Variants in BRWD3 observed in about 807,000 individuals in gnomAD.
The protein encoded by BRWD3 is bromodomain and WD repeat-containing protein 3.
In BRWD3, 10 loss-of-function variants were observed where a neutral mutation model predicts 149.7. That is an observed-to-expected ratio of 0.07 (90% CI 0.04 to 0.11). The LOEUF (loss-of-function observed/expected upper bound fraction) is 0.11. Among genes scored for constraint, BRWD3 ranks in the 10% least tolerant of loss-of-function variants. BRWD3 has a pLI of 1.00. For synonymous variants in BRWD3, 504 were observed against 456.7 expected, an observed-to-expected ratio of 1.10 and a Z score of -1.32; for missense variants, 940 against 1,373.2, an observed-to-expected ratio of 0.68 and a Z score of 4.99.
Position 80,677,307 on chromosome X carries a change from T to A in BRWD3, c.4711A>T (p.Ile1571Phe). Reference sequence around the variant, plus strand: ...GATGCACTAAGTAGTTTTCTCTTGATTCCTGTCCGGGGCTCTCTGCCATCA... The same window carrying A: ...GATGCACTAAGTAGTTTTCTCTTGAATCCTGTCCGGGGCTCTCTGCCATCA... The part of the protein sequence containing the change: ...NGDGREPRTG[I>F]KRKLLSASEE... Residue 1571 changes from isoleucine (I) to phenylalanine (F), a missense_variant, in exon 41 of 41, where the codon ATC becomes TTC. Around this residue, in one of 6 missense-constraint regions of BRWD3, gnomAD observed 349 missense variants for 419.6 expected, o/e 0.83. Coordinates refer to ENST00000373275, the MANE Select transcript of BRWD3 (RefSeq NM_153252.5). 1 of 1,209,098 alleles carries A rather than the reference T, an allele frequency of 8.3e-7. No individual in the cohort carries two copies. Among genetic ancestry groups the A allele is most frequent in the Non-Finnish European group, 1.1e-6 (1 of 894,521 alleles).
chrX:80,793,630 T>C lies in BRWD3; in HGVS notation c.323A>G (p.Asp108Gly). ...AATTCTGAAAATCTCACCTTTGGCA[T>C]CCCGTAGCAGAGACTGCCGACCAAC... ...LGVGRQSLLRDAKDCKSTLWN... is the reference protein window; with the variant it reads ...LGVGRQSLLRGAKDCKSTLWN... Residue 108 changes from aspartate to glycine, a missense_variant, in exon 5 of 41, where the codon GAT (aspartate) becomes GGT (glycine). By Grantham distance (94) the Asp-to-Gly change is moderately conservative. Coordinates refer to ENST00000373275, the MANE Select transcript of BRWD3 (RefSeq NM_153252.5). 1 of 1,210,375 alleles carries C rather than the reference T, an allele frequency of 8.3e-7. No homozygotes were observed. The highest frequency in any genetic ancestry group is 1.1e-6 in the Non-Finnish European group (1 of 894,743).
intron 4 of BRWD3, among the ~76,000 whole-genome samples, chrX:80,806,796 T>C (rs1354606757): frequency 8.9e-6 from 1 of 112,214 alleles, no homozygotes. Flanking sequence ...TTAAGAAAAA[T>C]ATGAAGCATA....
At chrX:80,723,215 G>A (rs1439157712) in intron 16 of BRWD3, among the ~76,000 whole-genome samples, 1 of 111,120 alleles carries the variant, frequency 9.0e-6, no homozygotes. Context: ...ACTCAAACCT[G>A]ATATTAATGC....
rs1239592366 is a variant in BRWD3, at chrX:80,808,558, C to T, written c.161G>A (p.Arg54Gln). The T allele has an allele frequency of 8.3e-7, 1 of 1,208,480 alleles. No individual in the cohort carries two copies. The highest frequency in any genetic ancestry group is 1.8e-5 in the South Asian group (1 of 56,787). The change falls in exon 4 of 41, where the codon CGA becomes CAA. Residue 54 changes from arginine (R) to glutamine (Q), a missense_variant. Arg to Gln is a conservative substitution (Grantham distance 43). Around this residue, in one of 6 missense-constraint regions of BRWD3, gnomAD observed 105 missense variants for 127.7 expected, o/e 0.82. Transcript: ENST00000373275. ...ACTCACCAGATCCTCGAAGCTTCTT[C>T]GGTGCTCTTTCCCCTCCCAATCTAA... ...RRLDWEGKEH[R>Q]RSFEDLVAAN... is the part of the protein sequence containing the mutation.
In BRWD3 at chrX:80,691,880, A is replaced by G. The variant is rs1481497978; in HGVS notation, c.3424T>C (p.Ser1142Pro). ...ACCCGTTCACATTCTTCGTCTCTGGAATGAGCCCCCCACTCTCCTTCCTGG... is the reference window on the plus strand; with the variant it reads ...ACCCGTTCACATTCTTCGTCTCTGGGATGAGCCCCCCACTCTCCTTCCTGG... ...KPQEGEWGAH[S>P]RDEECERVIQ... The change falls in exon 30 of 41, where the codon TCC becomes CCC. Residue 1142 changes from serine (S) to proline (P), a missense_variant. Ser to Pro is a moderately conservative substitution (Grantham distance 74). This residue lies in a region of BRWD3 where 158 missense variants were observed against 284.0 expected (regional missense o/e 0.56). Transcript: ENST00000373275. The G allele has an allele frequency of 8.3e-7, 1 of 1,208,140 alleles. No homozygotes were observed. Among genetic ancestry groups the G allele is most frequent in the Admixed American group, 2.2e-5 (1 of 45,417 alleles).
intron 6 of BRWD3, among the ~76,000 whole-genome samples, chrX:80,748,551 C>T (rs1019222644): frequency 8.9e-6 from 1 of 111,840 alleles, no homozygotes; most frequent in Non-Finnish European, 1.9e-5. Context: ...TTTTTATTAC[C>T]GACTCAATCT....
At chrX:80,740,123 C>T (rs1186746010) in intron 8 of BRWD3, among the ~76,000 whole-genome samples, 1 of 111,399 alleles carries the variant, frequency 9.0e-6, no homozygotes, top group Admixed American at 9.5e-5. Context: ...ATTCAACACA[C>T]ACTGAACCCA....
At position 80,675,740 on chromosome X, in the gene BRWD3, A is replaced by T. The variant is rs1015762168; in HGVS notation, c.*869T>A. The T allele has an allele frequency of 1.3e-4, 14 of 111,787 alleles. No homozygotes were observed. Among genetic ancestry groups the T allele is most frequent in the African/African-American group, 4.5e-4 (14 of 30,784 alleles). 9.2% of individuals were successfully genotyped at this position (111,787 alleles called of 1,213,427 possible). On this transcript the variant is annotated 3_prime_UTR_variant, in exon 41 of 41. Coordinates refer to ENST00000373275, the MANE Select transcript of BRWD3 (RefSeq NM_153252.5). ...GTTCTTTGTGGATGAGGATTTTTCA[A>T]ATGTTTAAGTTATTTAAGCTACACA...
intron 24 of BRWD3, among the ~76,000 whole-genome samples, chrX:80,703,126 T>G (rs1019250896): frequency 3.3e-4 from 36 of 109,617 alleles, no homozygotes; most frequent in Non-Finnish European, 4.2e-4. Flanking sequence ...ACGTGTTTTG[T>G]TTTTTTTTAA....
chrX:80,764,840 C>A (rs781669433), intron 6 of BRWD3, among the ~76,000 whole-genome samples: 1 of 111,166 alleles, frequency 9.0e-6, no homozygotes, highest in East Asian at 2.8e-4. Flanking sequence ...TAAAAATAAT[C>A]TAATTAAAAA....
chrX:80,706,511 T>C (rs940628116), intron 22 of BRWD3, among the ~76,000 whole-genome samples: 4 of 111,986 alleles, frequency 3.6e-5, no homozygotes, highest in African/African-American at 1.3e-4. Flanking sequence ...ACACAAACAT[T>C]AGCCTAAGCC....
chrX:80,741,573 T>G (rs1457578332), intron 8 of BRWD3, among the ~76,000 whole-genome samples: 1 of 111,701 alleles, frequency 9.0e-6, no homozygotes, highest in African/African-American at 3.3e-5. Context: ...CAGCACCTGT[T>G]GTTTCCTGAC....
intron 8 of BRWD3, among the ~76,000 whole-genome samples, chrX:80,741,805 T>G (rs1422991051): frequency 1.8e-5 from 2 of 112,139 alleles, no homozygotes; most frequent in Non-Finnish European, 3.8e-5. Context: ...AGATTCTGGA[T>G]ATTAGCCCTT....
intron 6 of BRWD3, chrX:80,746,706 G>T: frequency 4.8e-6 from 1 of 208,381 alleles, no homozygotes; most frequent in Non-Finnish European, 7.1e-6. Context: ...AGTACAAAAT[G>T]AAAATAGCTT....
chrX:80,710,071 A>G (rs879147857), intron 20 of BRWD3: 1 of 923,048 alleles, frequency 1.1e-6, no homozygotes, highest in Non-Finnish European at 1.6e-6. Context: ...TGAAAAGGGC[A>G]CCATCGGAGC....
At chrX:80,774,319 T>C (rs1307344240) in intron 6 of BRWD3, among the ~76,000 whole-genome samples, 4 of 109,785 alleles carry the variant, frequency 3.6e-5, no homozygotes, top group African/African-American at 1.3e-4. Flanking sequence ...CAGGCTGCAG[T>C]GTACTGGCAC....
intron 6 of BRWD3, among the ~76,000 whole-genome samples, chrX:80,764,538 C>T (rs903015382): frequency 9.2e-6 from 1 of 108,867 alleles, no homozygotes; most frequent in African/African-American, 3.4e-5. Flanking sequence ...TGGTCTCGAT[C>T]TCCTGACCTC....
chrX:80,795,085 G>A (rs1164472096), intron 4 of BRWD3, among the ~76,000 whole-genome samples: 1 of 111,076 alleles, frequency 9.0e-6, no homozygotes, highest in Non-Finnish European at 1.9e-5. Flanking sequence ...AAAAAAACAA[G>A]TACAATTCTG....
chrX:80,737,025 A>T (rs1454428528), intron 8 of BRWD3, among the ~76,000 whole-genome samples: 1 of 112,281 alleles, frequency 8.9e-6, no homozygotes, highest in Non-Finnish European at 1.9e-5. Context: ...TCATTATAGA[A>T]ATTTGAAGTA....
Sources: gnomAD v4.1 joint callset for allele counts (sites outside exome capture counted in the v4.1 genomes callset) on GRCh38, gnomAD v4.1.1 for gene constraint, gnomAD v4.1.1 regional missense constraint, MANE v1.5 for transcripts, NCBI Gene and HGNC (gene_info 2026-07-23, HGNC 2026-07-21) for gene names.